Variants in DIDO1 observed in about 807,000 individuals in gnomAD.
DIDO1 encodes death inducer-obliterator 1.
A neutral mutation model predicts 99.4 loss-of-function variants in DIDO1; 16 were observed. The ratio of observed to expected loss-of-function variants is 0.16; its 90% CI spans 0.11 to 0.24. DIDO1 has a LOEUF of 0.24. Among genes scored for constraint, DIDO1 ranks in the 10% least tolerant of loss-of-function variants. The pLI is 1.00. For missense variants in DIDO1, 2,996 were observed against 3,014.0 expected (o/e 0.99, Z 0.14); for synonymous variants, 1,366 against 1,239.1 (o/e 1.10, Z -2.15).
chr20:62,928,606 C>G (rs1231990425), upstream of DIDO1: 3 of 152,202 alleles, frequency 2.0e-5, no homozygotes, highest in African/African-American at 7.2e-5. Context: ...AATTTGAACT[C>G]CACTAGCAAA....
chr20:62,887,694 C>T (rs1291162388), intron 15 of DIDO1: 2 of 985,214 alleles, frequency 2.0e-6, no homozygotes, highest in East Asian at 1.1e-4. Context: ...GGGCCCTGCA[C>T]AGAACCCTAC....
chr20:62,903,050 GA>G (rs2064718656), intron 6 of DIDO1, among the ~76,000 whole-genome samples: 1 of 151,892 alleles, frequency 6.6e-6, no homozygotes, highest in Admixed American at 6.6e-5. Flanking sequence ...GAAATAAAGA[GA>G]AAAAAATGGA....
chr20:62,936,386 G>A (rs1297830502), intron 1 of DIDO1, among the ~76,000 whole-genome samples: 3 of 151,908 alleles, frequency 2.0e-5, no homozygotes, highest in Non-Finnish European at 2.9e-5. Flanking sequence ...AACCCCACCC[G>A]TACTAAAAAT....
At chr20:62,903,584 A>G (rs1205572360) in intron 6 of DIDO1, among the ~76,000 whole-genome samples, 1 of 152,220 alleles carries the variant, frequency 6.6e-6, no homozygotes, top group Non-Finnish European at 1.5e-5. Flanking sequence ...AGAGGTGTTT[A>G]GGGGAGAGGC....
At chr20:62,927,389 A>G (rs1426680126), upstream of DIDO1, among the ~76,000 whole-genome samples, 9 of 152,224 alleles carry the variant, frequency 5.9e-5, no homozygotes, top group Non-Finnish European at 1.3e-4. Context: ...AGTTCGCTCA[A>G]TAGTAACTAG....
intron 1 of DIDO1, among the ~76,000 whole-genome samples, chr20:62,935,687 G>A (rs1372613532): frequency 1.3e-5 from 2 of 152,212 alleles, no homozygotes; most frequent in Non-Finnish European, 2.9e-5. Flanking sequence ...AAGATCAGGA[G>A]TGCAGACTTA....
chr20:62,880,940 G>C lies in DIDO1; in HGVS notation c.5016C>G (p.Phe1672Leu), dbSNP rs2147345970. ...TPPCGALQPG[F>L]PLQHDGERDP... is the part of the protein sequence containing the mutation. ...CCCTCTCACCGTCGTGCTGCAGCGG[G>C]AAGCCGGGCTGCAGGGCGCCGCAAG... The change falls in exon 16 of 16, where the codon TTC becomes TTG. Residue 1672 changes from phenylalanine (F) to leucine (L), a missense_variant. Phe to Leu is a conservative substitution (Grantham distance 22, BLOSUM62 0). This residue lies in a region of DIDO1 where 1,562 missense variants were observed against 1,412.6 expected (regional missense o/e 1.11). Coordinates refer to ENST00000395343, the MANE Select transcript of DIDO1 (RefSeq NM_001193369.2). 2 of 1,608,650 alleles carry C rather than the reference G, an allele frequency of 1.2e-6. No individual in the cohort carries two copies. The highest frequency in any genetic ancestry group is 8.5e-7 in the Non-Finnish European group (1 of 1,179,754).
At chr20:62,930,576 A>G (rs2065323498), upstream of DIDO1, among the ~76,000 whole-genome samples, 1 of 152,254 alleles carries the variant, frequency 6.6e-6, no homozygotes, top group Admixed American at 6.5e-5. Flanking sequence ...TCTTTTAGAC[A>G]AAAGAATAAA....
At chr20:62,888,842 C>T in intron 15 of DIDO1, 1 of 985,460 alleles carries the variant, frequency 1.0e-6, no homozygotes, top group Non-Finnish European at 1.2e-6. Context: ...AGATTTCACG[C>T]ACACGCATTC....
chr20:62,888,392 G>A (rs955251885), intron 15 of DIDO1: 6 of 985,378 alleles, frequency 6.1e-6, no homozygotes, highest in Admixed American at 6.1e-5. Flanking sequence ...AGGCTGGGGC[G>A]CCAGGTCTCC....
rs143190360 is a variant in DIDO1 at position 62,917,986 on chromosome 20, G to A, written c.-199-3580C>T. 1.3e-3 allele frequency among the ~76,000 whole-genome samples: 203 copies of A among 152,324 alleles called. 1 individual carries two copies. The highest frequency in any genetic ancestry group is 4.4e-3 in the African/African-American group (184 of 41,566). Reference sequence around the variant, plus strand: ...GCAACATGCCATTTCTACCAGTTTAGGAGTACACTGGATATGTGCAAAGCA... The same window carrying A: ...GCAACATGCCATTTCTACCAGTTTAAGAGTACACTGGATATGTGCAAAGCA... On this transcript the variant is annotated intron_variant, in intron 1 of 15. Coordinates refer to ENST00000395343, the MANE Select transcript of DIDO1 (RefSeq NM_001193369.2).
intron 1 of DIDO1, among the ~76,000 whole-genome samples, chr20:62,935,305 CTCATTTAT>C (rs951542242): frequency 6.6e-6 from 1 of 152,096 alleles, no homozygotes; most frequent in African/African-American, 2.4e-5. Context: ...TAATCATTCA[CTCATTTAT>C]TCCTTCGTCA....
chr20:62,909,645 C>A, intron 4 of DIDO1, 54 bp downstream of exon 4: 1 of 1,590,916 alleles, frequency 6.3e-7, no homozygotes, highest in Non-Finnish European at 8.6e-7. Flanking sequence ...TAGAGCGAGA[C>A]TGAAACCAGT....
At chr20:62,928,212 GGA>G (rs1300506719), upstream of DIDO1, among the ~76,000 whole-genome samples, 1 of 152,178 alleles carries the variant, frequency 6.6e-6, no homozygotes, top group African/African-American at 2.4e-5. Context: ...TGGGCACTCA[GGA>G]GAGATAGATG....
chr20:62,890,344 A>C, intron 15 of DIDO1: 1 of 986,264 alleles, frequency 1.0e-6, no homozygotes, highest in Non-Finnish European at 1.2e-6. Context: ...CCCTGGAATC[A>C]CCCTCAACCC....
chr20:62,907,393 A>G lies in DIDO1; in HGVS notation c.1162-34T>C, dbSNP rs775447346. 1.9e-6 allele frequency: 3 copies of G among 1,600,964 alleles called. No individual in the cohort carries two copies. The South Asian group carries it at 3.3e-5, about 18-fold the overall frequency. On this transcript the variant is annotated intron_variant, in intron 4 of 15. Coordinates refer to ENST00000395343, the MANE Select transcript of DIDO1 (RefSeq NM_001193369.2). ...CAAAACAGATGACTTCAAACAATGT[A>G]CTTGCCAATTTTAAGCAGTTAAGTG...
In DIDO1 at chr20:62,894,228, C is replaced by G. The variant is rs1245156931; in HGVS notation, c.2573-34G>C. On this transcript the variant is annotated intron_variant, in intron 11 of 15. Coordinates refer to ENST00000395343, the MANE Select transcript of DIDO1 (RefSeq NM_001193369.2). The surrounding 1 kb of genome is among the most constrained non-coding windows in gnomAD (Gnocchi z 4.4). ...GGCGAGGAAAGGCTCTGTGAGAAAC[C>G]CAGCCGGCACACTGGTGTTTCTCAC... The G allele has an allele frequency of 3.1e-6, 5 of 1,598,700 alleles. No individual in the cohort carries two copies. The highest frequency in any genetic ancestry group is 4.3e-6 in the Non-Finnish European group (5 of 1,170,016).
chr20:62,889,299 T>G (rs1390763745), intron 15 of DIDO1: 28 of 985,472 alleles, frequency 2.8e-5, no homozygotes, highest in Non-Finnish European at 3.4e-5. Flanking sequence ...GTGGCCTCCC[T>G]GGGCCCCGTC....
chr20:62,892,268 C>T (rs2147392280), intron 13 of DIDO1, among the ~76,000 whole-genome samples, 192 bp from the exon 14 acceptor site: 2 of 152,214 alleles, frequency 1.3e-5, no homozygotes, highest in South Asian at 4.1e-4. Context: ...GGAGTGATGC[C>T]AACCTTCTGC....
Sources: gnomAD v4.1 joint callset for allele counts (sites outside exome capture counted in the v4.1 genomes callset) on GRCh38, gnomAD v4.1.1 for gene constraint, gnomAD v4.1.1 regional missense constraint, Gnocchi (gnomAD v3.1) non-coding constraint, MANE v1.5 for transcripts, NCBI Gene and HGNC (gene_info 2026-07-23, HGNC 2026-07-21) for gene names.